Variants in ZFYVE9 observed in about 807,000 individuals in gnomAD.
ZFYVE9 encodes zinc finger FYVE domain-containing protein 9.
A neutral mutation model predicts 126.7 loss-of-function variants in ZFYVE9; 43 were observed. The observed-to-expected ratio is 0.34, with a 90% CI of 0.27 to 0.44. The LOEUF (loss-of-function observed/expected upper bound fraction) is 0.44, where lower values mean the gene tolerates loss of function less well. ZFYVE9 is among the 20% of genes least tolerant of loss of function. The pLI is 1.00. For missense variants in ZFYVE9, 1,476 were observed against 1,697.0 expected (o/e 0.87, Z 2.29); for synonymous variants, 521 against 597.4 (o/e 0.87, Z 1.87).
At chr1:52,248,055 T>TAC (rs1415996474) in intron 4 of ZFYVE9, among the ~76,000 whole-genome samples, 1 of 152,170 alleles carries the variant, frequency 6.6e-6, no homozygotes, top group Non-Finnish European at 1.5e-5. Flanking sequence ...TATGTATATA[T>TAC]ACGAGAGTTT....
At chr1:52,223,796 TG>T (rs1435412337) in intron 2 of ZFYVE9, among the ~76,000 whole-genome samples, 1 of 152,180 alleles carries the variant, frequency 6.6e-6, no homozygotes, top group Non-Finnish European at 1.5e-5. Context: ...GTTATCCCAC[TG>T]AGGGTCCTGG....
intron 1 of ZFYVE9, among the ~76,000 whole-genome samples, chr1:52,172,186 A>G (rs1168654634): frequency 6.6e-6 from 1 of 152,226 alleles, no homozygotes. Flanking sequence ...TATAAGATGT[A>G]AGGAAGGGAT....
At chr1:52,225,951 T>C (rs1276518431) in intron 2 of ZFYVE9, among the ~76,000 whole-genome samples, 1 of 151,846 alleles carries the variant, frequency 6.6e-6, no homozygotes. Context: ...GAAAAACAGC[T>C]CTCTCTATTG....
chr1:52,336,359 GTTTTTTTTGT>G (rs1264385215), intron 15 of ZFYVE9, among the ~76,000 whole-genome samples: 151 of 95,022 alleles, frequency 1.6e-3, no homozygotes, highest in South Asian at 2.5e-3. Context: ...AATCTAAGAG[GTTTTTTTTGT>G]TTTTTTTTTT....
At chr1:52,342,503 C>T (rs1156708191) in intron 17 of ZFYVE9, among the ~76,000 whole-genome samples, 4 of 150,886 alleles carry the variant, frequency 2.7e-5, no homozygotes, top group East Asian at 3.9e-4. Flanking sequence ...ATCTCCTGAC[C>T]TCGCAATCCG....
chr1:52,308,788 G>A (rs763334792), intron 13 of ZFYVE9, among the ~76,000 whole-genome samples: 7 of 152,158 alleles, frequency 4.6e-5, no homozygotes, highest in Non-Finnish European at 1.0e-4. Flanking sequence ...GTAATAATCA[G>A]TACATTTGTA....
chr1:52,202,117 T>C (rs1557454042), intron 1 of ZFYVE9, among the ~76,000 whole-genome samples: 1 of 152,176 alleles, frequency 6.6e-6, no homozygotes. Context: ...CCTTCACTTT[T>C]GAAGGACAAT....
chr1:52,323,194 C>T (rs1244086290), intron 13 of ZFYVE9, among the ~76,000 whole-genome samples: 1 of 152,182 alleles, frequency 6.6e-6, no homozygotes, highest in African/African-American at 2.4e-5. Flanking sequence ...CCAGGGCATG[C>T]TACCTTACTG....
chr1:52,274,672 A>G, intron 8 of ZFYVE9, 88 bp downstream of exon 8: 1 of 1,385,816 alleles, frequency 7.2e-7, no homozygotes. Context: ...TTTGAGTGAC[A>G]TTCACCTTTC....
chr1:52,164,321 C>T (rs1250581296), intron 1 of ZFYVE9, among the ~76,000 whole-genome samples: 1 of 152,092 alleles, frequency 6.6e-6, no homozygotes, highest in East Asian at 1.9e-4. Flanking sequence ...TCAAGTGATT[C>T]TCCTGCCTCA....
chr1:52,272,819 G>A (rs745459555), intron 7 of ZFYVE9, among the ~76,000 whole-genome samples: 2 of 151,492 alleles, frequency 1.3e-5, no homozygotes, highest in East Asian at 1.9e-4. Flanking sequence ...ACAGGCACAC[G>A]CCCAGCTAAT....
rs1405181330 is a variant in ZFYVE9, at chr1:52,239,047, A to G, written c.1630A>G (p.Lys544Glu). The change falls in exon 4 of 19, where the codon AAA becomes GAA. Residue 544 changes from lysine to glutamate, a missense_variant. Coordinates refer to ENST00000287727, the MANE Select transcript of ZFYVE9 (RefSeq NM_004799.4). ...AAACAGCACTGGTGACCTAATGAAG[A>G]AAAATTATTTACATAATTTCTGTAG... ...LLNSTGDLMK[K>E]NYLHNFCSQV... The G allele has an allele frequency of 6.4e-5, 104 of 1,614,062 alleles. No individual in the cohort carries two copies. Among genetic ancestry groups the G allele is most frequent in the Non-Finnish European group, 8.6e-5 (101 of 1,180,014 alleles).
At chr1:52,248,577 A>G (rs1645413644) in intron 4 of ZFYVE9, among the ~76,000 whole-genome samples, 1 of 152,214 alleles carries the variant, frequency 6.6e-6, no homozygotes, top group African/African-American at 2.4e-5. Context: ...AATACTAATC[A>G]TCACATAGTG....
rs1645308006 is a variant in ZFYVE9 at position 52,239,131 on chromosome 1, A to G, written c.1714A>G (p.Ile572Val). The change falls in exon 4 of 19, where the codon ATC becomes GTC. Residue 572 changes from isoleucine to valine, a missense_variant. Ile to Val is a conservative substitution (Grantham distance 29). Around this residue, in one of 2 missense-constraint regions of ZFYVE9, gnomAD observed 807 missense variants for 794.6 expected, o/e 1.02. Transcript: ENST00000287727. ...SPKVVASLPSISVPFGGARPK... is the reference protein window; with the variant it reads ...SPKVVASLPSVSVPFGGARPK... ...CAAGGTAGTAGCAAGCCTGCCATCT[A>G]TCAGTGTTCCTTTTGGTGGTGCAAG... is the stretch of plus-strand genomic sequence containing the variant. The G allele has an allele frequency of 2.5e-6, 4 of 1,614,102 alleles. No individual in the cohort carries two copies. The highest frequency in any genetic ancestry group is 2.2e-5 in the East Asian group (1 of 44,874).
chr1:52,312,561 C>T (rs1646148254), intron 13 of ZFYVE9, among the ~76,000 whole-genome samples: 1 of 152,152 alleles, frequency 6.6e-6, no homozygotes, highest in Non-Finnish European at 1.5e-5. Context: ...GATAACTGCT[C>T]AAATGACAAG....
At chr1:52,180,572 C>G in intron 1 of ZFYVE9, 1 of 628,376 alleles carries the variant, frequency 1.6e-6, no homozygotes, top group Non-Finnish European at 2.9e-6. Flanking sequence ...GCTGCTATCA[C>G]TTTCTTGTGA....
intron 4 of ZFYVE9, among the ~76,000 whole-genome samples, chr1:52,247,947 C>T (rs1172478212): frequency 6.6e-6 from 1 of 152,134 alleles, no homozygotes; most frequent in Non-Finnish European, 1.5e-5. Context: ...TGTGTCTACA[C>T]ATTTCATCCA....
chr1:52,320,256 G>A (rs1646226811), intron 13 of ZFYVE9, among the ~76,000 whole-genome samples: 1 of 151,934 alleles, frequency 6.6e-6, no homozygotes, highest in Admixed American at 6.6e-5. Flanking sequence ...TTTTAGTAGA[G>A]ACGGGGTTTC....
intron 4 of ZFYVE9, among the ~76,000 whole-genome samples, chr1:52,241,826 A>G (rs763832433): frequency 5.3e-5 from 8 of 152,158 alleles, no homozygotes; most frequent in Non-Finnish European, 8.8e-5. Flanking sequence ...AGCTAGAAAA[A>G]TACCCCAAAT....
Sources: allele counts gnomAD v4.1 joint callset (sites outside exome capture counted in the v4.1 genomes callset), GRCh38; gene constraint gnomAD v4.1.1; regional missense constraint gnomAD v4.1.1; transcripts MANE v1.5; gene names NCBI Gene and HGNC (gene_info 2026-07-23, HGNC 2026-07-21).